The following TRAPPC12 variants were observed in gnomAD, a reference collection of about 807,000 sequenced individuals.
The protein encoded by TRAPPC12 is trafficking protein particle complex subunit 12.
In TRAPPC12, 61 loss-of-function variants were observed where a neutral mutation model predicts 69.2. The ratio of observed to expected loss-of-function variants is 0.88; its 90% CI spans 0.72 to 1.09. The LOEUF (loss-of-function observed/expected upper bound fraction) is 1.09, where lower values mean the gene tolerates loss of function less well. Among genes scored for constraint, TRAPPC12 ranks in the 50% least tolerant of loss-of-function variants. The probability of loss-of-function intolerance (pLI) is 0.00; values close to 1 mark genes in which losing one functional copy is unlikely to be tolerated. For missense variants in TRAPPC12, 1,101 were observed against 1,016.4 expected (o/e 1.08, Z -1.13); for synonymous variants, 469 against 438.9 (o/e 1.07, Z -0.86).
intron 2 of TRAPPC12, among the ~76,000 whole-genome samples, chr2:3,399,372 GC>G (rs781064874): frequency 6.6e-6 from 1 of 152,176 alleles, no homozygotes; most frequent in African/African-American, 2.4e-5. Flanking sequence ...GCTTTATGGG[GC>G]CCTGTGTCTG....
At chr2:3,434,090 A>C (rs1663617113) in intron 5 of TRAPPC12, among the ~76,000 whole-genome samples, 1 of 152,216 alleles carries the variant, frequency 6.6e-6, no homozygotes, top group Non-Finnish European at 1.5e-5. Context: ...ATGTGCATTT[A>C]CTTAAGAACA....
chr2:3,457,541 T>C, intron 6 of TRAPPC12, 80 bp from the exon 7 acceptor site: 1 of 1,119,394 alleles, frequency 8.9e-7, no homozygotes, highest in Non-Finnish European at 1.3e-6. Flanking sequence ...AAATTTGCTG[T>C]ACTGAGATTA....
intron 9 of TRAPPC12, among the ~76,000 whole-genome samples, chr2:3,468,569 A>G (rs1021418037): frequency 6.6e-6 from 1 of 152,054 alleles, no homozygotes; most frequent in African/African-American, 2.4e-5. Context: ...TGTCTTGAGG[A>G]TGGGTTGTGT....
intron 3 of TRAPPC12, among the ~76,000 whole-genome samples, chr2:3,403,850 T>A (rs1661586095): frequency 6.6e-6 from 1 of 152,208 alleles, no homozygotes; most frequent in South Asian, 2.1e-4. Flanking sequence ...TATTTGAAAG[T>A]GAGGTATAGC....
chr2:3,408,326 A>C (rs954109827), intron 3 of TRAPPC12, among the ~76,000 whole-genome samples: 1 of 152,220 alleles, frequency 6.6e-6, no homozygotes, highest in East Asian at 1.9e-4. Context: ...TTGCAGAGCA[A>C]TTTAACAATA....
At chr2:3,451,546 G>A (rs1051677084) in intron 6 of TRAPPC12, among the ~76,000 whole-genome samples, 2 of 151,898 alleles carry the variant, frequency 1.3e-5, no homozygotes, top group African/African-American at 4.8e-5. Context: ...TTTTGAGACA[G>A]GGGGTCTTAT....
intron 2 of TRAPPC12, among the ~76,000 whole-genome samples, chr2:3,391,427 A>G (rs1572086256): frequency 6.6e-6 from 1 of 152,246 alleles, no homozygotes; most frequent in East Asian, 1.9e-4. Context: ...CAGGAAAAGA[A>G]AAGTGACATA....
chr2:3,400,064 C>G (rs137859554), intron 2 of TRAPPC12, among the ~76,000 whole-genome samples: 247 of 152,338 alleles, frequency 1.6e-3, no homozygotes, highest in Admixed American at 4.1e-3. Context: ...CTTTCTTCTG[C>G]TCACCCGAGA....
chr2:3,470,051 T>A (rs1478421249), intron 9 of TRAPPC12, among the ~76,000 whole-genome samples: 1 of 152,024 alleles, frequency 6.6e-6, no homozygotes, highest in Non-Finnish European at 1.5e-5. Flanking sequence ...AGGTGGGAGA[T>A]GAGGTGGGCA....
At chr2:3,427,345 G>GT (rs1663166248) in intron 5 of TRAPPC12, among the ~76,000 whole-genome samples, 1 of 152,174 alleles carries the variant, frequency 6.6e-6, no homozygotes, top group Non-Finnish European at 1.5e-5. Flanking sequence ...TGAACAGCTG[G>GT]TTTTTTAGGC....
In TRAPPC12 at chr2:3,447,628, A is replaced by G. The variant is rs186896107; in HGVS notation, c.1530+3737A>G. On this transcript the variant is annotated intron_variant, in intron 6 of 11. Coordinates refer to ENST00000324266, the MANE Select transcript of TRAPPC12 (RefSeq NM_016030.6). ...ACACCCCCCACCAGGCCCCACCTCC[A>G]ACACTGGAGCTCACATTTCAACATG... Among the ~76,000 whole-genome samples the G allele has an allele frequency of 9.7e-4, 147 of 152,212 alleles. 1 individual carries two copies. The highest frequency in any genetic ancestry group is 3.4e-3 in the African/African-American group (143 of 41,526).
chr2:3,440,854 G>C (rs1664163805), intron 5 of TRAPPC12, among the ~76,000 whole-genome samples: 1 of 152,160 alleles, frequency 6.6e-6, no homozygotes, highest in African/African-American at 2.4e-5. Flanking sequence ...AGTTGGCTGA[G>C]AGTTTTTATC....
At chr2:3,402,426 T>TA (rs1661496092) in intron 3 of TRAPPC12, among the ~76,000 whole-genome samples, 1 of 152,000 alleles carries the variant, frequency 6.6e-6, no homozygotes, top group Admixed American at 6.6e-5. Context: ...CCATCTCTAC[T>TA]AAAAATACAA....
At chr2:3,468,667 C>T (rs1419325388) in intron 9 of TRAPPC12, among the ~76,000 whole-genome samples, 1 of 152,178 alleles carries the variant, frequency 6.6e-6, no homozygotes, top group Admixed American at 6.5e-5. Context: ...CCTTGGAAGC[C>T]CCACTCCCAC....
intron 3 of TRAPPC12, among the ~76,000 whole-genome samples, chr2:3,412,296 C>T (rs1353706972): frequency 6.6e-6 from 1 of 152,146 alleles, no homozygotes; most frequent in Non-Finnish European, 1.5e-5. Flanking sequence ...CATGGTGGCT[C>T]ACACCTTTAA....
Position 3,388,221 on chromosome 2 carries a change from G to C in TRAPPC12, c.598G>C (p.Val200Leu). 6.2e-7 allele frequency: 1 copy of C among 1,608,448 alleles called. No homozygotes were observed. The highest frequency in any genetic ancestry group is 8.5e-7 in the Non-Finnish European group (1 of 1,177,644). The change falls in exon 2 of 12, where the codon GTG becomes CTG. Residue 200 changes from valine to leucine, a missense_variant. Coordinates refer to ENST00000324266, the MANE Select transcript of TRAPPC12 (RefSeq NM_016030.6). ...CTCGGCCAGGACACCGCCCCAGGTCGTGCAGCCCAGCCCCAGCCTCAGCAC... is the reference window on the plus strand; with the variant it reads ...CTCGGCCAGGACACCGCCCCAGGTCCTGCAGCCCAGCCCCAGCCTCAGCAC... ...EASARTPPQV[V>L]QPSPSLSTFF...
intron 5 of TRAPPC12, among the ~76,000 whole-genome samples, chr2:3,440,913 T>A (rs1215765164): frequency 1.3e-5 from 2 of 152,210 alleles, no homozygotes; most frequent in African/African-American, 4.8e-5. Context: ...TCTATTGATA[T>A]GATTTTTGTT....
At chr2:3,479,120 C>G (rs1020164914) in intron 11 of TRAPPC12, 99 bp from the exon 12 acceptor site, 1 of 1,552,880 alleles carries the variant, frequency 6.4e-7, no homozygotes, top group African/African-American at 1.4e-5. Flanking sequence ...CAGCTCTGCA[C>G]CACCCCCAGG....
At chr2:3,396,496 CAATTTGGGGA>C (rs1661142631) in intron 2 of TRAPPC12, among the ~76,000 whole-genome samples, 1 of 152,082 alleles carries the variant, frequency 6.6e-6, no homozygotes, top group South Asian at 2.1e-4. Flanking sequence ...TCATTTTTGT[CAATTTGGGGA>C]AATTTGGGGT....
Sources: allele counts gnomAD v4.1 joint callset (sites outside exome capture counted in the v4.1 genomes callset), GRCh38; gene constraint gnomAD v4.1.1; transcripts MANE v1.5; gene names NCBI Gene and HGNC (gene_info 2026-07-23, HGNC 2026-07-21).